Variants in FGF12 observed in about 807,000 individuals in gnomAD.
The protein encoded by FGF12 is fibroblast growth factor 12B.
In FGF12, 14 loss-of-function variants were observed where a neutral mutation model predicts 23.6. The observed-to-expected ratio is 0.59, with a 90% CI of 0.39 to 0.93. The LOEUF is 0.93. Ranked by LOEUF, FGF12 falls within the 40% of genes least tolerant of loss-of-function variation. The pLI is 0.00. For missense variants in FGF12, 175 were observed against 217.8 expected (o/e 0.80, Z 1.24); for synonymous variants, 62 against 77.3 (o/e 0.80, Z 1.04).
chr3:192,495,628 G>A (rs1176055197), intron 2 of FGF12, among the ~76,000 whole-genome samples: 5 of 152,138 alleles, frequency 3.3e-5, no homozygotes, highest in African/African-American at 1.2e-4. Context: ...TTAAATTACA[G>A]AGACAAAATT....
intron 2 of FGF12, among the ~76,000 whole-genome samples, chr3:192,698,824 T>G (rs1283438912): frequency 3.3e-5 from 5 of 152,110 alleles, no homozygotes; most frequent in African/African-American, 1.2e-4. Flanking sequence ...AAGGTGAGAA[T>G]CACCTCCATT....
intron 4 of FGF12, among the ~76,000 whole-genome samples, chr3:192,248,706 G>A (rs1711803951): frequency 6.6e-6 from 1 of 152,144 alleles, no homozygotes; most frequent in South Asian, 2.1e-4. Flanking sequence ...TCTGCCCCGG[G>A]GGGATCCAGG....
chr3:192,660,857 A>C (rs1716639490), intron 2 of FGF12, among the ~76,000 whole-genome samples: 1 of 146,808 alleles, frequency 6.8e-6, no homozygotes, highest in Non-Finnish European at 1.5e-5. Flanking sequence ...GGTTGGATTC[A>C]TGCTCAAGGA....
At chr3:192,383,231 C>T (rs1323613341) in intron 2 of FGF12, among the ~76,000 whole-genome samples, 2 of 152,142 alleles carry the variant, frequency 1.3e-5, no homozygotes, top group Non-Finnish European at 2.9e-5. Context: ...AGCTAATGAA[C>T]ATACTTCTCT....
At chr3:192,546,483 T>C in intron 2 of FGF12, among the ~76,000 whole-genome samples, 1 of 36,934 alleles carries the variant, frequency 2.7e-5, no homozygotes, top group Non-Finnish European at 5.1e-5. Context: ...AATTGCTACT[T>C]TTCAAAAAAA....
At chr3:192,499,519 T>TTA (rs1724068130) in intron 2 of FGF12, among the ~76,000 whole-genome samples, 1 of 57,674 alleles carries the variant, frequency 1.7e-5, no homozygotes, top group Non-Finnish European at 3.1e-5. Context: ...TATATATATT[T>TTA]TTTTTTTTTT....
At chr3:192,497,240 A>G (rs568357260) in intron 2 of FGF12, among the ~76,000 whole-genome samples, 32 of 152,332 alleles carry the variant, frequency 2.1e-4, no homozygotes, top group African/African-American at 7.2e-4. Flanking sequence ...TGATTACTTG[A>G]GTCCTTTTTG....
At chr3:192,194,271 G>A (rs868197974) in intron 4 of FGF12, among the ~76,000 whole-genome samples, 6 of 152,164 alleles carry the variant, frequency 3.9e-5, no homozygotes, top group Non-Finnish European at 8.8e-5. Flanking sequence ...AAAGTATGCT[G>A]AGCCTCTTTG....
intron 2 of FGF12, among the ~76,000 whole-genome samples, chr3:192,422,228 C>G (rs1721553791): frequency 6.6e-6 from 1 of 152,090 alleles, no homozygotes; most frequent in Non-Finnish European, 1.5e-5. Flanking sequence ...AATTTTTATT[C>G]TGATGTTACT....
At chr3:192,400,924 A>T (rs573416907) in intron 2 of FGF12, among the ~76,000 whole-genome samples, 85 of 152,246 alleles carry the variant, frequency 5.6e-4, no homozygotes, top group Non-Finnish European at 1.1e-3. Context: ...TATAGCCTAG[A>T]CCAGTGGTTC....
At chr3:192,384,806 T>C (rs1242541237) in intron 2 of FGF12, among the ~76,000 whole-genome samples, 1 of 152,164 alleles carries the variant, frequency 6.6e-6, no homozygotes, top group Non-Finnish European at 1.5e-5. Context: ...CCAAGAATTG[T>C]ACAGGCACCA....
chr3:192,499,817 G>T (rs377638861), intron 2 of FGF12, among the ~76,000 whole-genome samples: 1 of 151,706 alleles, frequency 6.6e-6, no homozygotes, highest in African/African-American at 2.4e-5. Flanking sequence ...CAAAGTGCTG[G>T]GATTACAGGT....
intron 4 of FGF12, among the ~76,000 whole-genome samples, chr3:192,256,336 A>C (rs995561223): frequency 1.3e-5 from 2 of 151,416 alleles, no homozygotes; most frequent in African/African-American, 4.9e-5. Flanking sequence ...ATTGATTTGT[A>C]CCCTCTATGC....
At chr3:192,439,847 G>C (rs1426679051) in intron 2 of FGF12, among the ~76,000 whole-genome samples, 2 of 151,874 alleles carry the variant, frequency 1.3e-5, no homozygotes, top group East Asian at 1.9e-4. Flanking sequence ...TGTGGTGGTG[G>C]GCGCCTGTAA....
intron 3 of FGF12, among the ~76,000 whole-genome samples, chr3:192,354,851 A>T (rs908533608): frequency 2.0e-5 from 3 of 152,062 alleles, no homozygotes. Context: ...AATTACAGGC[A>T]TGCACCACCG....
chr3:192,595,717 G>A (rs569319504), intron 2 of FGF12, among the ~76,000 whole-genome samples: 1 of 152,258 alleles, frequency 6.6e-6, no homozygotes, highest in Admixed American at 6.5e-5. Flanking sequence ...CTTTGAACTT[G>A]GTCTTGGTAG....
intron 2 of FGF12, among the ~76,000 whole-genome samples, chr3:192,376,447 C>A (rs1560090970): frequency 1.3e-5 from 2 of 152,150 alleles, no homozygotes; most frequent in Admixed American, 6.5e-5. Flanking sequence ...ACCGCAACCT[C>A]TGCCTCCCAG....
In FGF12 at chr3:192,164,888, G is replaced by A. The variant is rs150737800; in HGVS notation, c.427+5570C>T. 4.2e-3 allele frequency among the ~76,000 whole-genome samples: 638 copies of A among 152,216 alleles called. 9 individuals are homozygous for A. Among genetic ancestry groups the A allele is most frequent in the Non-Finnish European group, 5.2e-3 (354 of 68,012 alleles). On this transcript the variant is annotated intron_variant, in intron 5 of 5. Transcript: ENST00000445105. The stretch of plus-strand genomic sequence containing the variant: ...CATTTTCTAATCGTTTTCTAAAAGT[G>A]TCATCTAGTTATGTGCTTTATACCT...
intron 4 of FGF12, among the ~76,000 whole-genome samples, chr3:192,308,351 A>ATG (rs1370319363): frequency 6.6e-6 from 1 of 152,218 alleles, no homozygotes; most frequent in African/African-American, 2.4e-5. Flanking sequence ...CTAATGGCAA[A>ATG]ACAAACAAAA....
Sources: gnomAD v4.1 joint callset for allele counts (sites outside exome capture counted in the v4.1 genomes callset) on GRCh38, gnomAD v4.1.1 for gene constraint, MANE v1.5 for transcripts, NCBI Gene and HGNC (gene_info 2026-07-23, HGNC 2026-07-21) for gene names.